Variants in SPON2 observed in about 807,000 individuals in gnomAD.
The protein encoded by SPON2 is spondin-2.
Under a neutral mutation model 29.9 loss-of-function variants are expected in SPON2, and 32 were observed. The observed-to-expected ratio is 1.07, with a 90% CI of 0.81 to 1.44. The LOEUF (loss-of-function observed/expected upper bound fraction) is 1.44, where lower values mean the gene tolerates loss of function less well. Ranked by LOEUF, SPON2 falls within the 40% of genes most tolerant of loss-of-function variation. SPON2 has a pLI of 0.00. For synonymous variants in SPON2, 248 were observed against 209.1 expected (o/e 1.19, Z -1.61); for missense variants, 541 against 455.5 (o/e 1.19, Z -1.71).
Position 1,171,031 on chromosome 4 carries a change from A to C in SPON2, c.604T>G (p.Phe202Val), listed in dbSNP as rs780159034. The C allele has an allele frequency of 6.5e-7, 1 of 1,548,718 alleles. No individual in the cohort carries two copies. Among genetic ancestry groups the C allele is most frequent in the Non-Finnish European group, 8.7e-7 (1 of 1,145,732 alleles). ...ACCGTGTCCTGCGGGATGGTGGCGA[A>C]GTTGGGGGAGGAGAAGGTGAAGCCG... ...DSGFTFSSPNFATIPQDTVTE... is the reference protein window; with the variant it reads ...DSGFTFSSPNVATIPQDTVTE... Residue 202 changes from phenylalanine (F) to valine (V), a missense_variant, in exon 4 of 6, where the codon TTC (phenylalanine) becomes GTC (valine). Coordinates refer to ENST00000290902, the MANE Select transcript of SPON2 (RefSeq NM_012445.4).
chr4:1,186,062 G>C (rs375992776), intron 1 of SPON2, among the ~76,000 whole-genome samples: 20 of 145,742 alleles, frequency 1.4e-4, no homozygotes, highest in African/African-American at 3.2e-4. Flanking sequence ...GGCTAACACG[G>C]TGAAACCCCA....
chr4:1,195,172 TC>T (rs1027525807), upstream of SPON2: 14 of 152,268 alleles, frequency 9.2e-5, no homozygotes, highest in African/African-American at 2.9e-4. Context: ...AGGCAGCTCC[TC>T]CTCCTGGGCT....
chr4:1,176,873 C>CTTCATTCATTCATTCACACCA (rs1206694836), upstream of SPON2, among the ~76,000 whole-genome samples: 9 of 151,894 alleles, frequency 5.9e-5, no homozygotes, highest in East Asian at 5.9e-4. Context: ...CATTCACACA[C>CTTCATTCATTCATTCACACCA]TTCATTCATT....
At chr4:1,170,900 G>C (rs1050266296) in intron 4 of SPON2, 99 bp downstream of exon 4, 1 of 1,458,404 alleles carries the variant, frequency 6.9e-7, no homozygotes, top group Non-Finnish European at 9.4e-7. Context: ...AGCCGCAAGC[G>C]GCTGTCCTGG....
intron 1 of SPON2, among the ~76,000 whole-genome samples, chr4:1,204,651 G>A (rs1334165117): frequency 1.3e-5 from 2 of 152,006 alleles, no homozygotes; most frequent in African/African-American, 2.4e-5. Context: ...ATTTTTCCAC[G>A]TTAACTTCAC....
rs1203566176 is a variant in SPON2 at position 1,203,878 on chromosome 4, C to CT, written c.-234+4001dup. On this transcript the variant is annotated intron_variant, in intron 1 of 3. Transcript: ENST00000509233. ...AAAACATCTATTCAAATTCTTTTGCCTTTTTTTTTTGAGTTAGAGTCTCTC... is the reference window on the plus strand; with the variant it reads ...AAAACATCTATTCAAATTCTTTTGCCTTTTTTTTTTTGAGTTAGAGTCTCTC... Among the ~76,000 whole-genome samples the CT allele has an allele frequency of 4.1e-3, 611 of 148,168 alleles. 5 individuals carry two copies. Among genetic ancestry groups the CT allele is most frequent in the Admixed American group, 0.014 (208 of 14,906 alleles).
chr4:1,168,695 G>C (rs750296092), intron 5 of SPON2, among the ~76,000 whole-genome samples: 2 of 152,200 alleles, frequency 1.3e-5, no homozygotes, highest in African/African-American at 4.8e-5. Context: ...TGGTGGGAGC[G>C]CCCCTGCCCT....
chr4:1,200,577 C>T (rs571568597), intron 1 of SPON2: 17 of 343,610 alleles, frequency 4.9e-5, no homozygotes, highest in East Asian at 3.2e-4. Context: ...GCTCACCCCA[C>T]GGGAACGTGG....
intron 1 of SPON2, chr4:1,204,976 A>G (rs955102740): frequency 3.9e-5 from 6 of 152,066 alleles, no homozygotes; most frequent in African/African-American, 1.5e-4. Flanking sequence ...ACCCTCCGAA[A>G]CTCACCTCTG....
At chr4:1,198,558 T>C (rs1054185361), upstream of SPON2, among the ~76,000 whole-genome samples, 5 of 151,902 alleles carry the variant, frequency 3.3e-5, no homozygotes, top group African/African-American at 1.2e-4. Context: ...GAACAGCAAA[T>C]AGGACTCAAT....
Position 1,167,604 on chromosome 4 carries a change from C to T in SPON2, c.864G>A (p.Leu288=). ...CEVSLWSSWG[L]CGGHCGRLGT... ...CGAGCCTCCCACAGTGGCCTCCGCA[C>T]AGTCCCCAGGACGACCACAGGGAGA... Residue 288 remains leucine (L), a synonymous_variant, in exon 6 of 6, where the codon CTG becomes CTA. Coordinates refer to ENST00000290902, the MANE Select transcript of SPON2 (RefSeq NM_012445.4). 6.8e-6 allele frequency: 11 copies of T among 1,613,534 alleles called. No homozygotes were observed. Among genetic ancestry groups the T allele is most frequent in the Non-Finnish European group, 9.3e-6 (11 of 1,179,982 alleles).
At chr4:1,200,924 G>C (rs563881984) in intron 1 of SPON2, 8 of 456,728 alleles carry the variant, frequency 1.8e-5, no homozygotes, top group Non-Finnish European at 3.1e-5. Context: ...CCTGGATGTG[G>C]GCACCCCCGT....
At chr4:1,181,142 A>G (rs1379269277) in intron 1 of SPON2, among the ~76,000 whole-genome samples, 1 of 152,230 alleles carries the variant, frequency 6.6e-6, no homozygotes, top group Admixed American at 6.5e-5. Flanking sequence ...GCATCAAGAG[A>G]GAAGCAACTC....
At chr4:1,178,076 G>A (rs376086471), upstream of SPON2, among the ~76,000 whole-genome samples, 226 of 147,746 alleles carry the variant, frequency 1.5e-3, 9 homozygotes, top group South Asian at 0.044. Flanking sequence ...GCCTCCCTCC[G>A]GCCAGACACC....
chr4:1,173,400 C>G (rs1727524598), upstream of SPON2, among the ~76,000 whole-genome samples: 1 of 152,154 alleles, frequency 6.6e-6, no homozygotes, highest in South Asian at 2.1e-4. Flanking sequence ...AAAGGGGGCC[C>G]CCCTCCCCAG....
upstream of SPON2, among the ~76,000 whole-genome samples, chr4:1,174,486 CAAAA>C (rs59532169): frequency 1.1e-5 from 1 of 94,294 alleles, no homozygotes; most frequent in Non-Finnish European, 2.2e-5. Flanking sequence ...GACTCCATCT[CAAAA>C]AAAAAAAAAA....
intron 1 of SPON2, among the ~76,000 whole-genome samples, chr4:1,185,970 C>A (rs189325135): frequency 2.6e-5 from 4 of 151,746 alleles, no homozygotes; most frequent in African/African-American, 9.7e-5. Context: ...TCTGGCCGGG[C>A]GTGGTGGCTC....
intron 1 of SPON2, among the ~76,000 whole-genome samples, chr4:1,206,973 T>C (rs1449855692): frequency 7.6e-6 from 1 of 130,784 alleles, no homozygotes. Flanking sequence ...TGTGGGGCAA[T>C]TGGAGGTGGG....
At chr4:1,203,910 A>G (rs1577001664) in intron 1 of SPON2, among the ~76,000 whole-genome samples, 2 of 151,760 alleles carry the variant, frequency 1.3e-5, no homozygotes, top group East Asian at 3.9e-4. Context: ...TCTCTCTGTC[A>G]CCCAGGCTGG....
Sources: gnomAD v4.1 joint callset for allele counts (sites outside exome capture counted in the v4.1 genomes callset) on GRCh38, gnomAD v4.1.1 for gene constraint, MANE v1.5 for transcripts, NCBI Gene and HGNC (gene_info 2026-07-23, HGNC 2026-07-21) for gene names.